FOXA1: variants seen among roughly 807,000 people sequenced by gnomAD.
The protein encoded by FOXA1 is forkhead box A1.
A neutral mutation model predicts 29.2 loss-of-function variants in FOXA1; 9 were observed. That is an observed-to-expected ratio of 0.31 (90% CI 0.19 to 0.54). The LOEUF (loss-of-function observed/expected upper bound fraction) is 0.54. Among genes scored for constraint, FOXA1 ranks in the 20% least tolerant of loss-of-function variants. The pLI, the probability that FOXA1 is intolerant of heterozygous loss-of-function variation, is 0.95. For missense variants in FOXA1, 644 were observed against 681.2 expected (o/e 0.95, Z 0.61); for synonymous variants, 340 against 300.9 (o/e 1.13, Z -1.34).
Position 37,592,031 on chromosome 14 carries a change from G to A in FOXA1, c.753C>T (p.Gly251=), listed in dbSNP as rs539948672. The change falls in exon 2 of 2, where the codon GGC becomes GGT. Residue 251 remains glycine (G), a synonymous_variant. Transcript: ENST00000250448. ...GSYWTLHPDS[G]NMFENGCYLR... is the part of the protein sequence containing the mutation. Reference sequence around the variant, plus strand: ...AGTAGCAGCCGTTCTCGAACATGTTGCCGGAGTCCGGGTGCAGCGTCCAGT... The same window carrying A: ...AGTAGCAGCCGTTCTCGAACATGTTACCGGAGTCCGGGTGCAGCGTCCAGT... The A allele has an allele frequency of 2.1e-5, 34 of 1,607,040 alleles. No individual in the cohort carries two copies. In the East Asian group the frequency reaches 7.4e-4, roughly 35 times the overall value.
Position 37,590,366 on chromosome 14 carries a change from C to T in FOXA1, c.*999G>A, listed in dbSNP as rs2095594464. On this transcript the variant is annotated 3_prime_UTR_variant, in exon 2 of 2. Transcript: ENST00000250448. ...TCTTGGACCACGTTTTGAAATCCAG[C>T]TCCCTATAACTTATCTCTCCTCCAA... 8.6e-6 allele frequency: 2 copies of T among 231,368 alleles called. No homozygotes were observed. The highest frequency in any genetic ancestry group is 1.2e-4 in the East Asian group (2 of 16,156). 14.3% of individuals were successfully genotyped at this position (231,368 alleles called of 1,614,324 possible). A position where few individuals can be genotyped will look rare whatever the true frequency, so the allele number is the denominator to read the frequency against.
rs770819038 is a variant in FOXA1, at chr14:37,591,502, G to C, written c.1282C>G (p.Pro428Ala). Reference sequence around the variant, plus strand: ...CTGGCGGGCAACGTAGAGCCGTAAGGCGAGTATTGCAGTGCCTGTTCGTAT... The same window carrying C: ...CTGGCGGGCAACGTAGAGCCGTAAGCCGAGTATTGCAGTGCCTGTTCGTAT... Reference protein sequence around the residue: ...KAYEQALQYSPYGSTLPASLP... With the variant: ...KAYEQALQYSAYGSTLPASLP... Residue 428 changes from proline to alanine, a missense_variant, in exon 2 of 2, where the codon CCT becomes GCT. Coordinates refer to ENST00000250448, the MANE Select transcript of FOXA1 (RefSeq NM_004496.5). 2.5e-6 allele frequency: 4 copies of C among 1,614,130 alleles called. No individual in the cohort carries two copies. In the African/African-American group the frequency reaches 4.0e-5, roughly 16 times the overall value.
rs778113551 is a variant in FOXA1 at position 37,592,291 on chromosome 14, T to G, written c.493A>C (p.Ser165Arg). The G allele has an allele frequency of 1.9e-6, 3 of 1,612,138 alleles. No individual in the cohort carries two copies. The highest frequency in any genetic ancestry group is 3.3e-5 in the Admixed American group (2 of 59,862). ...TAGGGCGGCTTGGCGTGCGGGTAGC[T>G]GCGCTTGAACGTCTTGGCGTCGCCG... ...GGGDAKTFKR[S>R]YPHAKPPYSY... The change falls in exon 2 of 2, where the codon AGC becomes CGC. Residue 165 changes from serine to arginine, a missense_variant. Coordinates refer to ENST00000250448, the MANE Select transcript of FOXA1 (RefSeq NM_004496.5).
At chr14:37,593,272 A>G (rs776504772) in intron 1 of FOXA1, among the ~76,000 whole-genome samples, 4 of 152,228 alleles carry the variant, frequency 2.6e-5, no homozygotes, top group Non-Finnish European at 4.4e-5. Flanking sequence ...AAGCAAACTC[A>G]GAGTTAAATA....
At position 37,591,873 on chromosome 14, in the gene FOXA1, C is replaced by T; in HGVS notation, c.911G>A (p.Ser304Asn). 6.9e-7 allele frequency: 1 copy of T among 1,452,314 alleles called. No homozygotes were observed. The highest frequency in any genetic ancestry group is 9.0e-7 in the Non-Finnish European group (1 of 1,108,214). 90.0% of individuals were successfully genotyped at this position (1,452,314 alleles called of 1,614,324 possible). Reference sequence around the variant, plus strand: ...ACCCCGATGGAGGGGCGAGTCGGCGCTGGGGTTAGAGGCGCCAGAGGGGTC... The same window carrying T: ...ACCCCGATGGAGGGGCGAGTCGGCGTTGGGGTTAGAGGCGCCAGAGGGGTC... ...RKDPSGASNP[S>N]ADSPLHRGVH... The change falls in exon 2 of 2, where the codon AGC (serine) becomes AAC (asparagine). Residue 304 changes from serine (S) to asparagine (N), a missense_variant. Transcript: ENST00000250448.
At chr14:37,594,268 C>T (rs2095599476) in intron 1 of FOXA1, 2 of 1,240,388 alleles carry the variant, frequency 1.6e-6, no homozygotes, top group East Asian at 5.9e-5. Context: ...AAAATAACCC[C>T]CATGAACGTG....
Position 37,595,039 on chromosome 14 carries a change from G to T in FOXA1, c.-67C>A. 6.9e-7 allele frequency: 1 copy of T among 1,459,570 alleles called. No homozygotes were observed. 90.4% of individuals were successfully genotyped at this position (1,459,570 alleles called of 1,614,324 possible). On this transcript the variant is annotated 5_prime_UTR_variant, in exon 1 of 2. Transcript: ENST00000250448. ...GAAGCGACGGGCGGCCGCGCGGCGC[G>T]GGGCGGGGGAGGGGAGCTGAGCAGC...
chr14:37,589,975 G>A lies in FOXA1; in HGVS notation c.*1390C>T, dbSNP rs1484955888. 4.3e-6 allele frequency: 1 copy of A among 231,940 alleles called. No individual in the cohort carries two copies. The highest frequency in any genetic ancestry group is 2.2e-5 in the African/African-American group (1 of 45,292). The allele number at this position is 231,940 out of a possible 1,614,324, so 14.4% of individuals were successfully genotyped here. A position where few individuals can be genotyped will look rare whatever the true frequency, so the allele number is the denominator to read the frequency against. ...TTTAGTTAAGTGAAAAAAAATAACA[G>A]AAATGCTCTTTTGTTAACATTTGAT... On this transcript the variant is annotated 3_prime_UTR_variant, in exon 2 of 2. Coordinates refer to ENST00000250448, the MANE Select transcript of FOXA1 (RefSeq NM_004496.5).
Position 37,592,311 on chromosome 14 carries a change from T to TCGC in FOXA1, c.470_472dup (p.Gly157dup), listed in dbSNP as rs763371315. The TCGC allele has an allele frequency of 6.9e-6, 11 of 1,601,214 alleles. No homozygotes were observed. In the South Asian group the frequency reaches 7.8e-5, roughly 11 times the overall value. On this transcript the variant is annotated inframe_insertion, in exon 2 of 2. Transcript: ENST00000250448. ...GTAGCTGCGCTTGAACGTCTTGGCG[T>TCGC]CGCCGCCGCCGCCCGCGCGGCTGCG...
In FOXA1 at chr14:37,592,107, T is replaced by A. The variant is rs1329067081; in HGVS notation, c.677A>T (p.Asp226Val). 6.2e-7 allele frequency: 1 copy of A among 1,612,762 alleles called. No individual in the cohort carries two copies. Among genetic ancestry groups the A allele is most frequent in the Admixed American group, 1.7e-5 (1 of 59,970 alleles). The change falls in exon 2 of 2, where the codon GAC becomes GTC. Residue 226 changes from aspartate to valine, a missense_variant. Physicochemically the swap from Asp to Val is radical, Grantham distance 152. Transcript: ENST00000250448. ...NSIRHSLSFN[D>V]CFVKVARSPD... is the part of the protein sequence containing the mutation. ...GGAGCGTGCCACCTTGACGAAGCAG[T>A]CATTGAAGGACAGCGAGTGGCGGAT... is the stretch of plus-strand genomic sequence containing the variant.
Position 37,589,685 on chromosome 14 carries a change from G to C in FOXA1, c.*1680C>G, listed in dbSNP as rs557231016. Among the ~76,000 whole-genome samples the C allele has an allele frequency of 3.4e-5, 5 of 147,802 alleles. No individual in the cohort carries two copies. The highest frequency in any genetic ancestry group is 2.0e-4 in the East Asian group (1 of 4,994). On this transcript the variant is annotated 3_prime_UTR_variant, in exon 2 of 2. Coordinates refer to ENST00000250448, the MANE Select transcript of FOXA1 (RefSeq NM_004496.5). Reference sequence around the variant, plus strand: ...TAATATTTGATTTTGTAGTGAAAAGGCTCAAAGGAAACACAGAAGGCTTAA... The same window carrying C: ...TAATATTTGATTTTGTAGTGAAAAGCCTCAAAGGAAACACAGAAGGCTTAA...
intron 1 of FOXA1, 21 bp from the exon 2 acceptor site, chr14:37,592,732 G>T: frequency 6.2e-7 from 1 of 1,607,502 alleles, no homozygotes; most frequent in Non-Finnish European, 8.5e-7. Flanking sequence ...GACAGCGAGT[G>T]AAGAAGCCCC....
Position 37,592,307 on chromosome 14 carries a change from G to A in FOXA1, c.477C>T (p.Ala159=). The A allele has an allele frequency of 1.2e-6, 2 of 1,603,024 alleles. No homozygotes were observed. Among genetic ancestry groups the A allele is most frequent in the Non-Finnish European group, 1.7e-6 (2 of 1,175,458 alleles). The stretch of plus-strand genomic sequence containing the variant: ...GCGGGTAGCTGCGCTTGAACGTCTT[G>A]GCGTCGCCGCCGCCGCCCGCGCGGC... ...GRSRAGGGGD[A]KTFKRSYPHA... Residue 159 remains alanine (A), a synonymous_variant, in exon 2 of 2, where the codon GCC becomes GCT. Transcript: ENST00000250448.
At chr14:37,593,267 A>C (rs1018357655) in intron 1 of FOXA1, among the ~76,000 whole-genome samples, 4 of 152,218 alleles carry the variant, frequency 2.6e-5, no homozygotes, top group African/African-American at 9.6e-5. Flanking sequence ...AAGGGAAGCA[A>C]ACTCAGAGTT....
Position 37,591,108 on chromosome 14 carries a change from G to T in FOXA1, c.*257C>A. On this transcript the variant is annotated 3_prime_UTR_variant, in exon 2 of 2. Transcript: ENST00000250448. ...AGGAGAATTTCATATATACACTTGT[G>T]GATCATTAAACTTCGCAGGAAAAAA... is the stretch of plus-strand genomic sequence containing the variant. The T allele has an allele frequency of 1.8e-6, 1 of 552,690 alleles. No homozygotes were observed. Among genetic ancestry groups the T allele is most frequent in the Non-Finnish European group, 3.2e-6 (1 of 307,742 alleles). 34.2% of individuals were successfully genotyped at this position (552,690 alleles called of 1,614,324 possible).
At chr14:37,594,196 T>G (rs2095599363) in intron 1 of FOXA1, 1 of 1,287,630 alleles carries the variant, frequency 7.8e-7, no homozygotes, top group African/African-American at 1.5e-5. Context: ...GAAAAATACT[T>G]TTAATAGGTG....
rs2095594557 is a variant in FOXA1, at chr14:37,590,529, C to G, written c.*836G>C. 4.4e-6 allele frequency: 1 copy of G among 227,020 alleles called. No homozygotes were observed. Among genetic ancestry groups the G allele is most frequent in the African/African-American group, 2.2e-5 (1 of 44,978 alleles). The allele number at this position is 227,020 out of a possible 1,614,324, so 14.1% of individuals were successfully genotyped here. A position where few individuals can be genotyped will look rare whatever the true frequency, so the allele number is the denominator to read the frequency against. ...AAGCAAGAAGCAGAGTTCTTGAGGG[C>G]AATTCCTGAGGAATTGATTCCCAGG... is the stretch of plus-strand genomic sequence containing the variant. On this transcript the variant is annotated 3_prime_UTR_variant, in exon 2 of 2. Transcript: ENST00000250448.
At position 37,591,691 on chromosome 14, in the gene FOXA1, C is replaced by T. The variant is rs759930701; in HGVS notation, c.1093G>A (p.Gly365Arg). ...STAPPISSGP[G>R]ALASVPASHP... ...GAGGCGGGCACAGAGGCCAGCGCCCCGGGCCCGGAGCTTATGGGGGGCGCA... is the reference window on the plus strand; with the variant it reads ...GAGGCGGGCACAGAGGCCAGCGCCCTGGGCCCGGAGCTTATGGGGGGCGCA... The change falls in exon 2 of 2, where the codon GGG (glycine) becomes AGG (arginine). Residue 365 changes from glycine to arginine, a missense_variant. Gly to Arg is a moderately radical substitution (Grantham distance 125). This residue lies in a region of FOXA1 where 295 missense variants were observed against 294.4 expected (regional missense o/e 1.00). Coordinates refer to ENST00000250448, the MANE Select transcript of FOXA1 (RefSeq NM_004496.5). 6.3e-7 allele frequency: 1 copy of T among 1,584,478 alleles called. No homozygotes were observed. The highest frequency in any genetic ancestry group is 1.8e-5 in the Admixed American group (1 of 55,506).
Position 37,591,484 on chromosome 14 carries a change from G to A in FOXA1, c.1300C>T (p.Pro434Ser), listed in dbSNP as rs2139179807. Residue 434 changes from proline to serine, a missense_variant, in exon 2 of 2, where the codon CCC (proline) becomes TCC (serine). Pro to Ser is a moderately conservative substitution (Grantham distance 74). This residue lies in a region of FOXA1 where 295 missense variants were observed against 294.4 expected (regional missense o/e 1.00). Coordinates refer to ENST00000250448, the MANE Select transcript of FOXA1 (RefSeq NM_004496.5). Reference sequence around the variant, plus strand: ...GCGCTGCCTAGAGGCAGGCTGGCGGGCAACGTAGAGCCGTAAGGCGAGTAT... The same window carrying A: ...GCGCTGCCTAGAGGCAGGCTGGCGGACAACGTAGAGCCGTAAGGCGAGTAT... Reference protein sequence around the residue: ...LQYSPYGSTLPASLPLGSASV... With the variant: ...LQYSPYGSTLSASLPLGSASV... 1 of 1,614,210 alleles carries A rather than the reference G, an allele frequency of 6.2e-7. No homozygotes were observed. The highest frequency in any genetic ancestry group is 2.2e-5 in the East Asian group (1 of 44,864).
Sources: allele counts gnomAD v4.1 joint callset (sites outside exome capture counted in the v4.1 genomes callset), GRCh38; gene constraint gnomAD v4.1.1; regional missense constraint gnomAD v4.1.1; transcripts MANE v1.5; gene names NCBI Gene and HGNC (gene_info 2026-07-23, HGNC 2026-07-21).